CLTC: variants seen among roughly 807,000 people sequenced by gnomAD.
CLTC encodes the protein clathrin heavy chain 1.
CLTC carries 16 observed loss-of-function variants against 195.8 expected under a neutral mutation model. The ratio of observed to expected loss-of-function variants is 0.08; its 90% confidence interval spans 0.06 to 0.12. The LOEUF is 0.12. CLTC is among the 10% of genes least tolerant of loss of function. The probability of loss-of-function intolerance (pLI) is 1.00; values close to 1 mark genes in which losing one functional copy is unlikely to be tolerated. For missense variants in CLTC, 796 were observed against 2,027.0 expected (o/e 0.39, Z 11.66); for synonymous variants, 667 against 689.4 (o/e 0.97, Z 0.51).
At chr17:59,625,202 A>G (rs2031511474) in intron 1 of CLTC, among the ~76,000 whole-genome samples, 1 of 151,634 alleles carries the variant, frequency 6.6e-6, no homozygotes, top group Non-Finnish European at 1.5e-5. Context: ...TCCGCCTTCC[A>G]GGTTCAAGTG....
chr17:59,638,133 CA>C (rs879922372), intron 1 of CLTC, among the ~76,000 whole-genome samples: 10 of 151,854 alleles, frequency 6.6e-5, no homozygotes, highest in Non-Finnish European at 1.3e-4. Context: ...AATGCAAATG[CA>C]AAAAAGCTAA....
At chr17:59,625,461 A>G (rs2031521605) in intron 1 of CLTC, among the ~76,000 whole-genome samples, 1 of 151,890 alleles carries the variant, frequency 6.6e-6, no homozygotes, top group Non-Finnish European at 1.5e-5. Flanking sequence ...ATCAATTCAG[A>G]CCCTATTTTC....
At chr17:59,655,764 T>C (rs1013872342) in intron 5 of CLTC, 90 bp from the exon 6 acceptor site, 13 of 1,068,788 alleles carry the variant, frequency 1.2e-5, no homozygotes, top group Non-Finnish European at 1.5e-5. Context: ...TCTGGAATTT[T>C]ACCATCTCTA....
intron 14 of CLTC, among the ~76,000 whole-genome samples, chr17:59,673,099 GTT>G (rs34178326): frequency 5.3e-5 from 8 of 149,984 alleles, no homozygotes; most frequent in Admixed American, 6.6e-5. Context: ...TAAATGCTGG[GTT>G]TTTTTTTTTG....
chr17:59,659,815 C>G (rs771956322), intron 6 of CLTC, among the ~76,000 whole-genome samples: 1 of 151,966 alleles, frequency 6.6e-6, no homozygotes, highest in South Asian at 2.1e-4. Context: ...TGGTCCCTCC[C>G]TTCATTGAGT....
chr17:59,641,462 A>G (rs963165380), intron 1 of CLTC, among the ~76,000 whole-genome samples: 2 of 150,346 alleles, frequency 1.3e-5, no homozygotes, highest in African/African-American at 4.9e-5. Flanking sequence ...TTAGCCGGGC[A>G]TGTTGGCGCA....
chr17:59,643,132 G>GGTGTGTGTGTGT lies in CLTC; in HGVS notation c.43-1119_43-1108dup, dbSNP rs59380117. On this transcript the variant is annotated intron_variant, in intron 1 of 31. Coordinates refer to ENST00000269122, the MANE Select transcript of CLTC (RefSeq NM_004859.4). ...TTTTTCCATGCTTTTTCTTTTCTGG[G>GGTGTGTGTGTGT]GTGTGTGTGTGTGTGTGTGTGTGTG... 3.2e-3 allele frequency among the ~76,000 whole-genome samples: 461 copies of GGTGTGTGTGTGT among 142,304 alleles called. 4 individuals are homozygous for GGTGTGTGTGTGT. Among genetic ancestry groups the GGTGTGTGTGTGT allele is most frequent in the African/African-American group, 9.8e-3 (356 of 36,312 alleles). The allele number at this position is 142,304 out of a possible 152,430, so 93.4% of individuals were successfully genotyped here. A position where few individuals can be genotyped will look rare whatever the true frequency, so the allele number is the denominator to read the frequency against.
chr17:59,668,315 G>A (rs552017626), intron 13 of CLTC, among the ~76,000 whole-genome samples: 6 of 152,312 alleles, frequency 3.9e-5, no homozygotes, highest in Admixed American at 2.6e-4. Context: ...CCAGTGCTTT[G>A]GGAGGCCAAG....
chr17:59,644,649 C>T (rs1417706528), intron 2 of CLTC, among the ~76,000 whole-genome samples, 166 bp downstream of exon 2: 1 of 151,908 alleles, frequency 6.6e-6, no homozygotes, highest in Non-Finnish European at 1.5e-5. Flanking sequence ...CCCCCAGGTT[C>T]AAGCGATTCT....
intron 1 of CLTC, among the ~76,000 whole-genome samples, chr17:59,625,968 G>A (rs1279811953): frequency 6.6e-6 from 1 of 152,086 alleles, no homozygotes; most frequent in African/African-American, 2.4e-5. Flanking sequence ...CATTTTAGGA[G>A]CATTAATTAT....
At chr17:59,676,877 T>C (rs1404903463) in intron 16 of CLTC, 77 bp from the exon 17 acceptor site, 1 of 1,074,386 alleles carries the variant, frequency 9.3e-7, no homozygotes, top group African/African-American at 1.6e-5. Flanking sequence ...CATAAGGTAT[T>C]TACATAGTTA....
chr17:59,633,747 G>A (rs934172081), intron 1 of CLTC, among the ~76,000 whole-genome samples: 1 of 152,150 alleles, frequency 6.6e-6, no homozygotes, highest in Non-Finnish European at 1.5e-5. Flanking sequence ...ATTTTGTGAA[G>A]TCGCTGGGAA....
chr17:59,620,017 A>G lies in CLTC; in HGVS notation c.-115A>G. On this transcript the variant is annotated 5_prime_UTR_variant, in exon 1 of 32. Coordinates refer to ENST00000269122, the MANE Select transcript of CLTC (RefSeq NM_004859.4). ...CCAGTTTCCTGCGTCCCCGGAGAGG[A>G]TCCTGCTGAGCCCAGCCTCCCCCCT... 1.1e-6 allele frequency: 1 copy of G among 875,978 alleles called. No individual in the cohort carries two copies. Among genetic ancestry groups the G allele is most frequent in the Non-Finnish European group, 1.8e-6 (1 of 549,080 alleles). The allele number at this position is 875,978 out of a possible 1,614,324, so 54.3% of individuals were successfully genotyped here.
At chr17:59,625,830 G>A (rs547629493) in intron 1 of CLTC, among the ~76,000 whole-genome samples, 17 of 152,088 alleles carry the variant, frequency 1.1e-4, no homozygotes, top group African/African-American at 3.6e-4. Flanking sequence ...TGTGACTTGT[G>A]GTTACCATAT....
chr17:59,673,767 C>A lies in CLTC; in HGVS notation c.2413C>A (p.Gln805Lys). The A allele has an allele frequency of 8.3e-7, 1 of 1,203,382 alleles. No homozygotes were observed. The highest frequency in any genetic ancestry group is 1.2e-6 in the Non-Finnish European group (1 of 810,490). 74.5% of individuals were successfully genotyped at this position (1,203,382 alleles called of 1,614,324 possible). ...TCAAAAGTATATAGAGATATATGTA[C>A]AGAAGGTAAGTAATATGTAGGTAAT... ...NLQKYIEIYV[Q>K]KVNPSRLPVV... Residue 805 changes from glutamine (Q) to lysine (K), a missense_variant, in exon 15 of 32, where the codon CAG becomes AAG. By Grantham distance (53) the Gln-to-Lys change is moderately conservative (BLOSUM62 1). Transcript: ENST00000269122.
At position 59,661,471 on chromosome 17, in the gene CLTC, G is replaced by T; in HGVS notation, c.1196G>T (p.Arg399Leu). The change falls in exon 8 of 32, where the codon CGT becomes CTT. Residue 399 changes from arginine (R) to leucine (L), a missense_variant. Arg to Leu is a moderately radical substitution (Grantham distance 102, BLOSUM62 -2). Around this residue, in one of 9 missense-constraint regions of CLTC, gnomAD observed 293 missense variants for 795.6 expected, o/e 0.37. Transcript: ENST00000269122. ...KGILRTPDTI[R>L]RFQSVPAQPG... The stretch of plus-strand genomic sequence containing the variant: ...ATTCTTCGTACTCCAGACACTATCC[G>T]TCGGTTCCAGAGTGTCCCAGCCCAG... 6.2e-7 allele frequency: 1 copy of T among 1,613,810 alleles called. No homozygotes were observed. Among genetic ancestry groups the T allele is most frequent in the Non-Finnish European group, 8.5e-7 (1 of 1,179,816 alleles).
chr17:59,625,458 C>G (rs1376847332), intron 1 of CLTC, among the ~76,000 whole-genome samples: 1 of 152,004 alleles, frequency 6.6e-6, no homozygotes, highest in Non-Finnish European at 1.5e-5. Context: ...TATATCAATT[C>G]AGACCCTATT....
chr17:59,674,267 CCAAAG>C (rs1484179484), intron 15 of CLTC, among the ~76,000 whole-genome samples: 4 of 152,102 alleles, frequency 2.6e-5, no homozygotes, highest in African/African-American at 9.7e-5. Flanking sequence ...CATGTAGACT[CCAAAG>C]CAGAGTTTTC....
chr17:59,686,952 T>C, intron 30 of CLTC: 1 of 973,522 alleles, frequency 1.0e-6, no homozygotes. Flanking sequence ...TTATGCTCAA[T>C]ATGGAATTGA....
Sources: allele counts gnomAD v4.1 joint callset (sites outside exome capture counted in the v4.1 genomes callset), GRCh38; gene constraint gnomAD v4.1.1; regional missense constraint gnomAD v4.1.1; transcripts MANE v1.5; gene names NCBI Gene and HGNC (gene_info 2026-07-23, HGNC 2026-07-21).